The following ADGRL3 variants were observed in gnomAD, a reference collection of about 807,000 sequenced individuals.
ADGRL3 encodes adhesion G protein-coupled receptor L3, also known as calcium-independent alpha-latrotoxin receptor 3.
In ADGRL3, 62 loss-of-function variants were observed where a neutral mutation model predicts 153.5. That is an observed-to-expected ratio of 0.40 (90% CI 0.33 to 0.50). The LOEUF (loss-of-function observed/expected upper bound fraction) is 0.50, where lower values mean the gene tolerates loss of function less well. Ranked by LOEUF, ADGRL3 falls within the 20% of genes least tolerant of loss-of-function variation. The pLI is 0.47. For synonymous variants in ADGRL3, 710 were observed against 672.5 expected, an observed-to-expected ratio of 1.06 and a Z score of -0.86; for missense variants, 1,641 against 1,859.4, an observed-to-expected ratio of 0.88 and a Z score of 2.16.
intron 8 of ADGRL3, among the ~76,000 whole-genome samples, chr4:61,809,693 T>C (rs576986600): frequency 1.1e-4 from 17 of 152,202 alleles, no homozygotes; most frequent in African/African-American, 3.9e-4. Context: ...TACTGCTTGC[T>C]TTCTTCTCAC....
chr4:61,694,730 A>G (rs772184934), intron 6 of ADGRL3, among the ~76,000 whole-genome samples: 3 of 152,152 alleles, frequency 2.0e-5, no homozygotes, highest in Non-Finnish European at 4.4e-5. Context: ...CAAAAGATTT[A>G]TTTGTAGCAT....
intron 22 of ADGRL3, among the ~76,000 whole-genome samples, chr4:62,030,436 T>G (rs1721383902): frequency 1.3e-5 from 2 of 151,568 alleles, no homozygotes; most frequent in Admixed American, 1.3e-4. Flanking sequence ...TTGGTCCTGT[T>G]CTCCCATATA....
intron 2 of ADGRL3, among the ~76,000 whole-genome samples, chr4:61,469,936 C>CAA (rs61312011): frequency 4.7e-5 from 7 of 148,358 alleles, no homozygotes; most frequent in African/African-American, 1.5e-4. Context: ...AAAAACAAAA[C>CAA]AAAAAAAAAC....
intron 1 of ADGRL3, among the ~76,000 whole-genome samples, chr4:61,215,713 G>A (rs1307595677): frequency 7.3e-5 from 11 of 151,616 alleles, no homozygotes; most frequent in Non-Finnish European, 1.3e-4. Flanking sequence ...CACCACGCCC[G>A]GTTTATTTTT....
In ADGRL3 at chr4:61,895,743, A is replaced by T; in HGVS notation, c.1796A>T (p.Tyr599Phe). Residue 599 changes from tyrosine to phenylalanine, a missense_variant, in exon 11 of 27, where the codon TAT becomes TTT. Around this residue, in one of 5 missense-constraint regions of ADGRL3, gnomAD observed 734 missense variants for 797.0 expected, o/e 0.92. Transcript: ENST00000683033. ...CPAGTIGVST[Y>F]LCLAPDGIWD... ...CTCATTATTACAGGTGTATCAACTT[A>T]TCTATGCCTTGCTCCTGATGGAATT... The T allele has an allele frequency of 6.3e-7, 1 of 1,591,050 alleles. No homozygotes were observed. Among genetic ancestry groups the T allele is most frequent in the Non-Finnish European group, 8.6e-7 (1 of 1,165,146 alleles).
chr4:61,243,781 T>C (rs1560379889), intron 1 of ADGRL3, among the ~76,000 whole-genome samples: 1 of 152,004 alleles, frequency 6.6e-6, no homozygotes, highest in Admixed American at 6.6e-5. Flanking sequence ...TAAAAAGATA[T>C]TGTGTTTGAT....
rs1428812613 is a variant in ADGRL3, at chr4:61,432,050, C to T, written c.-174+48861C>T. Among the ~76,000 whole-genome samples, 12 of 152,232 alleles carry T rather than the reference C, an allele frequency of 7.9e-5. No homozygotes were observed. In the East Asian group the frequency reaches 1.2e-3, roughly 15 times the overall value. ...ACAGAGCTTTTGCAGAATCAGTTGC[C>T]TTGCTTGGTATATGTAATCCAATTG... On this transcript the variant is annotated intron_variant, in intron 2 of 26. Transcript: ENST00000683033.
chr4:61,927,401 C>G (rs2150055768), intron 13 of ADGRL3, among the ~76,000 whole-genome samples: 1 of 151,762 alleles, frequency 6.6e-6, no homozygotes, highest in South Asian at 2.1e-4. Context: ...AAGACACAGT[C>G]TGTTCTATGA....
rs771289420 is a variant in ADGRL3 at position 61,808,136 on chromosome 4, T to C, written c.1400-5673T>C. 2.6e-5 allele frequency among the ~76,000 whole-genome samples: 4 copies of C among 152,326 alleles called. No individual in the cohort carries two copies. The East Asian group carries it at 5.8e-4, about 22-fold the overall frequency. On this transcript the variant is annotated intron_variant, in intron 8 of 26. Transcript: ENST00000683033. ...ACTCACCTCAGTTAGGTGCCGCTGC[T>C]GTGCTCTTCTCTCTCTCCTCTATCA...
Position 61,862,595 on chromosome 4 carries a change from C to A in ADGRL3, c.1481-30061C>A, listed in dbSNP as rs370452826. On this transcript the variant is annotated intron_variant, in intron 9 of 26. Transcript: ENST00000683033. ...ACCACCAGCTTTGGGAATTAGGGCT[C>A]CTCTGCTCCAAGTCTCTGTAACCAA... Among the ~76,000 whole-genome samples the A allele has an allele frequency of 9.9e-5, 15 of 152,242 alleles. No individual in the cohort carries two copies. In the East Asian group the frequency reaches 2.9e-3, roughly 29 times the overall value.
At chr4:61,929,735 G>T (rs912140527) in intron 13 of ADGRL3, among the ~76,000 whole-genome samples, 3 of 152,176 alleles carry the variant, frequency 2.0e-5, no homozygotes, top group African/African-American at 7.2e-5. Context: ...TTTAGATAAT[G>T]ACGTATGACA....
intron 2 of ADGRL3, among the ~76,000 whole-genome samples, chr4:61,441,799 T>G (rs2097531579): frequency 6.6e-6 from 1 of 152,224 alleles, no homozygotes; most frequent in Non-Finnish European, 1.5e-5. Context: ...TGAATATGCT[T>G]TCTTTCTAGT....
At chr4:61,527,301 T>C (rs1031324721) in intron 4 of ADGRL3, among the ~76,000 whole-genome samples, 2 of 152,208 alleles carry the variant, frequency 1.3e-5, no homozygotes, top group East Asian at 1.9e-4. Context: ...TGGGAGATAA[T>C]CTAGCAGAAT....
chr4:61,367,458 AT>A (rs1469302635), intron 1 of ADGRL3, among the ~76,000 whole-genome samples: 1 of 151,186 alleles, frequency 6.6e-6, no homozygotes, highest in Non-Finnish European at 1.5e-5. Context: ...TCATTGTTCA[AT>A]TCCCACCTAT....
At chr4:61,843,126 A>T (rs571371271) in intron 9 of ADGRL3, among the ~76,000 whole-genome samples, 2 of 152,132 alleles carry the variant, frequency 1.3e-5, no homozygotes, top group Non-Finnish European at 2.9e-5. Context: ...ATGATAGAAG[A>T]AAGACAGACA....
At position 61,733,422 on chromosome 4, in the gene ADGRL3, G is replaced by A. The variant is rs142715549; in HGVS notation, c.1267G>A (p.Val423Ile). 1.9e-6 allele frequency: 3 copies of A among 1,613,708 alleles called. No individual in the cohort carries two copies. Among genetic ancestry groups the A allele is most frequent in the East Asian group, 4.5e-5 (2 of 44,862 alleles). The change falls in exon 8 of 27, where the codon GTA becomes ATA. Residue 423 changes from valine (V) to isoleucine (I), a missense_variant. By Grantham distance (29) the Val-to-Ile change is conservative. Transcript: ENST00000683033. Reference protein sequence around the residue: ...TDQSKDSLVDVPFPNSYQYIA... With the variant: ...TDQSKDSLVDIPFPNSYQYIA... ...CCAAAGCAAGGATAGTTTGGTGGAT[G>A]TACCCTTTCCTAATTCATACCAGTA...
intron 13 of ADGRL3, among the ~76,000 whole-genome samples, chr4:61,923,739 CT>C (rs1235825616): frequency 6.6e-6 from 1 of 152,076 alleles, no homozygotes; most frequent in Admixed American, 6.6e-5. Context: ...AATAAATGAC[CT>C]CTTATGTGAA....
chr4:61,732,612 T>C, intron 7 of ADGRL3, 142 bp from the exon 8 acceptor site: 1 of 446,070 alleles, frequency 2.2e-6, no homozygotes, highest in Non-Finnish European at 3.9e-6. Context: ...AAGAATACTT[T>C]GTGTTCTTAA....
At chr4:61,876,284 TTTTG>T (rs1191076871) in intron 9 of ADGRL3, among the ~76,000 whole-genome samples, 2 of 57,524 alleles carry the variant, frequency 3.5e-5, no homozygotes, top group African/African-American at 4.8e-5. Context: ...TTTTATCCAA[TTTTG>T]TTTTTTTTTT....
Sources: gnomAD v4.1 joint callset for allele counts (sites outside exome capture counted in the v4.1 genomes callset) on GRCh38, gnomAD v4.1.1 for gene constraint, gnomAD v4.1.1 regional missense constraint, MANE v1.5 for transcripts, NCBI Gene and HGNC (gene_info 2026-07-23, HGNC 2026-07-21) for gene names.